The following RBFOX1 variants were observed in gnomAD, a reference collection of about 807,000 sequenced individuals.
RBFOX1 encodes RNA binding fox-1 homolog 1.
RBFOX1 carries 8 observed loss-of-function variants against 57.7 expected under a neutral mutation model. That is an observed-to-expected ratio of 0.14 (90% CI 0.08 to 0.25). The LOEUF is 0.25. RBFOX1 is among the 10% of genes least tolerant of loss of function. The probability of loss-of-function intolerance (pLI) is 1.00; values close to 1 mark genes in which losing one functional copy is unlikely to be tolerated. For synonymous variants in RBFOX1, 326 were observed against 222.4 expected (o/e 1.47, Z -4.15); for missense variants, 611 against 548.5 (o/e 1.11, Z -1.14).
chr16:6,848,058 C>A (rs2093856417), intron 3 of RBFOX1, among the ~76,000 whole-genome samples: 1 of 152,078 alleles, frequency 6.6e-6, no homozygotes, highest in Admixed American at 6.5e-5. Context: ...TCTCCAACTC[C>A]TGACCTCAAG....
intron 3 of RBFOX1, among the ~76,000 whole-genome samples, chr16:7,007,025 A>T (rs79585849): frequency 6.6e-6 from 1 of 152,208 alleles, no homozygotes; most frequent in Non-Finnish European, 1.5e-5. Flanking sequence ...TCACGGTTCT[A>T]TAGGTGAGAA....
At chr16:7,492,168 G>A (rs1350998220) in intron 4 of RBFOX1, among the ~76,000 whole-genome samples, 1 of 152,152 alleles carries the variant, frequency 6.6e-6, no homozygotes, top group East Asian at 1.9e-4. Flanking sequence ...TCTGCATTTG[G>A]AATTCCCAAC....
At chr16:7,181,837 A>C (rs1331221901) in intron 4 of RBFOX1, among the ~76,000 whole-genome samples, 1 of 152,198 alleles carries the variant, frequency 6.6e-6, no homozygotes, top group Non-Finnish European at 1.5e-5. Context: ...CTAGGATTAA[A>C]GGTGTGAGAC....
intron 4 of RBFOX1, among the ~76,000 whole-genome samples, chr16:7,354,718 A>T (rs985011421): frequency 1.3e-5 from 2 of 152,206 alleles, no homozygotes; most frequent in Non-Finnish European, 2.9e-5. Flanking sequence ...TATGACGGCC[A>T]CTAGTCACGT....
intron 3 of RBFOX1, among the ~76,000 whole-genome samples, chr16:6,868,759 T>C (rs1455849810): frequency 2.0e-5 from 3 of 152,108 alleles, no homozygotes; most frequent in Non-Finnish European, 4.4e-5. Flanking sequence ...GCATGAGCCA[T>C]TGCACCCGGC....
chr16:5,969,986 G>C (rs2059931464), intron 4 of RBFOX1, among the ~76,000 whole-genome samples: 1 of 152,086 alleles, frequency 6.6e-6, no homozygotes, highest in South Asian at 2.1e-4. Flanking sequence ...GGGATACGTT[G>C]TGTTCACTCA....
At chr16:6,108,070 A>C (rs1235769666) in intron 1 of RBFOX1, among the ~76,000 whole-genome samples, 1 of 152,210 alleles carries the variant, frequency 6.6e-6, no homozygotes, top group African/African-American at 2.4e-5. Flanking sequence ...TACTTAATGG[A>C]TCATAAGAAT....
intron 2 of RBFOX1, among the ~76,000 whole-genome samples, chr16:6,395,785 C>T (rs1036674397): frequency 6.6e-6 from 1 of 152,098 alleles, no homozygotes; most frequent in African/African-American, 2.4e-5. Context: ...AACATGAGGG[C>T]CTTGCACAGT....
chr16:7,283,413 A>G (rs148139108), intron 4 of RBFOX1, among the ~76,000 whole-genome samples: 101 of 152,150 alleles, frequency 6.6e-4, no homozygotes, highest in African/African-American at 2.3e-3. Flanking sequence ...ACAGTTGGAA[A>G]GATTTAGGGG....
intron 5 of RBFOX1, among the ~76,000 whole-genome samples, chr16:7,567,344 T>TAG (rs2092033649): frequency 8.3e-6 from 1 of 121,160 alleles, no homozygotes; most frequent in African/African-American, 3.1e-5. Context: ...TGGCCCTATA[T>TAG]ATATATCCCT....
At chr16:6,518,797 GTCTATCTATCTATCTATCTA>G (rs58687392) in intron 2 of RBFOX1, among the ~76,000 whole-genome samples, 14 of 104,078 alleles carry the variant, frequency 1.3e-4, no homozygotes, top group Middle Eastern at 5.1e-3. Context: ...CTGTGTGTCT[GTCTATCTATCTATCTATCTA>G]TCTATCTATC....
At chr16:6,952,757 C>G (rs187801318) in intron 3 of RBFOX1, among the ~76,000 whole-genome samples, 55 of 152,252 alleles carry the variant, frequency 3.6e-4, no homozygotes, top group African/African-American at 1.3e-3. Context: ...GCGGGCGGAT[C>G]ACGAGGTCAG....
intron 2 of RBFOX1, among the ~76,000 whole-genome samples, chr16:6,624,867 G>C (rs1299346138): frequency 6.6e-6 from 1 of 152,050 alleles, no homozygotes; most frequent in Non-Finnish European, 1.5e-5. Context: ...TGTCTTCTAA[G>C]AAATGACATT....
At chr16:6,560,145 G>C (rs2097160277) in intron 2 of RBFOX1, among the ~76,000 whole-genome samples, 1 of 142,400 alleles carries the variant, frequency 7.0e-6, no homozygotes, top group African/African-American at 2.6e-5. Context: ...TCTGCCCCAT[G>C]CATGGTAATC....
chr16:6,009,028 T>C (rs2094944023), intron 4 of RBFOX1, among the ~76,000 whole-genome samples: 1 of 152,172 alleles, frequency 6.6e-6, no homozygotes, highest in Non-Finnish European at 1.5e-5. Context: ...TGAAATGCCT[T>C]TTCGACTAAA....
intron 9 of RBFOX1, among the ~76,000 whole-genome samples, chr16:7,606,107 G>A (rs944540068): frequency 7.1e-5 from 10 of 141,464 alleles, no homozygotes; most frequent in South Asian, 2.3e-4. Context: ...CACGGTGCCC[G>A]ACCTGCATGG....
At chr16:5,737,322 A>G (rs1419822909) in intron 3 of RBFOX1, among the ~76,000 whole-genome samples, 1 of 152,036 alleles carries the variant, frequency 6.6e-6, no homozygotes, top group Non-Finnish European at 1.5e-5. Flanking sequence ...GGTCTCTCCT[A>G]AAAGTACAAA....
chr16:5,420,035 A>G (rs992702874), intron 1 of RBFOX1, among the ~76,000 whole-genome samples: 11 of 152,124 alleles, frequency 7.2e-5, no homozygotes, highest in African/African-American at 9.7e-5. Context: ...AGAGAGTCCA[A>G]CTGAGTCCCC....
At chr16:6,430,006 G>C (rs998507007) in intron 2 of RBFOX1, among the ~76,000 whole-genome samples, 1 of 152,042 alleles carries the variant, frequency 6.6e-6, no homozygotes, top group African/African-American at 2.4e-5. Flanking sequence ...TACTTGGGAG[G>C]CTGGGGCAGG....
Sources: allele counts gnomAD v4.1 joint callset (sites outside exome capture counted in the v4.1 genomes callset), GRCh38; gene constraint gnomAD v4.1.1; transcripts MANE v1.5; gene names NCBI Gene and HGNC (gene_info 2026-07-23, HGNC 2026-07-21).